The following TMEM74 variants were observed in gnomAD, a reference collection of about 807,000 sequenced individuals.
TMEM74 encodes the protein transmembrane protein 74.
A neutral mutation model predicts 18.1 loss-of-function variants in TMEM74; 13 were observed. The observed-to-expected ratio is 0.72, with a 90% CI of 0.47 to 1.14. The LOEUF is 1.14. Among genes scored for constraint, TMEM74 ranks in the 50% most tolerant of loss-of-function variants. The pLI is 0.00. For missense variants in TMEM74, 372 were observed against 375.9 expected (o/e 0.99, Z 0.09); for synonymous variants, 159 against 146.6 (o/e 1.08, Z -0.61).
At chr8:108,631,055 G>A (rs375167806) in intron 2 of TMEM74, among the ~76,000 whole-genome samples, 1 of 151,982 alleles carries the variant, frequency 6.6e-6, no homozygotes, top group Non-Finnish European at 1.5e-5. Flanking sequence ...AATGTGGGAA[G>A]AAATTAAAGT....
At chr8:108,772,660 A>G (rs1201873778) in intron 1 of TMEM74, among the ~76,000 whole-genome samples, 1 of 152,132 alleles carries the variant, frequency 6.6e-6, no homozygotes, top group East Asian at 1.9e-4. Flanking sequence ...TACAGAAGTA[A>G]ATGGCAGCCT....
At chr8:108,649,471 G>A (rs75068535) in intron 2 of TMEM74, among the ~76,000 whole-genome samples, 1,739 of 152,284 alleles carry the variant, frequency 0.011, 20 homozygotes, top group Middle Eastern at 0.058. Flanking sequence ...TTATGTTTAT[G>A]TTTAGTAATA....
chr8:108,672,906 A>G (rs1365593715), intron 1 of TMEM74, among the ~76,000 whole-genome samples: 1 of 152,230 alleles, frequency 6.6e-6, no homozygotes, highest in East Asian at 1.9e-4. Flanking sequence ...TTAGTACAAC[A>G]TGGGTCACAA....
At chr8:108,620,993 T>TGACC (rs1812434776) in intron 2 of TMEM74, among the ~76,000 whole-genome samples, 1 of 152,196 alleles carries the variant, frequency 6.6e-6, no homozygotes, top group African/African-American at 2.4e-5. Context: ...CCATGATGCC[T>TGACC]GGTCCTTGGT....
chr8:108,772,260 C>T (rs1277347022), intron 1 of TMEM74, among the ~76,000 whole-genome samples: 2 of 151,824 alleles, frequency 1.3e-5, no homozygotes, highest in African/African-American at 2.4e-5. Context: ...TTTTTTCTTC[C>T]TGGGGTTATT....
intron 2 of TMEM74, among the ~76,000 whole-genome samples, chr8:108,627,480 G>T (rs958185299): frequency 1.3e-5 from 2 of 152,028 alleles, no homozygotes. Context: ...GCCTATGGTT[G>T]TTGTAAAGAA....
chr8:108,621,118 A>G (rs1045176839), intron 2 of TMEM74, among the ~76,000 whole-genome samples: 7 of 152,186 alleles, frequency 4.6e-5, no homozygotes, highest in African/African-American at 1.7e-4. Flanking sequence ...GTAGACCCCA[A>G]GACTAAGCCT....
downstream of TMEM74, among the ~76,000 whole-genome samples, chr8:108,778,907 C>A (rs1316518804): frequency 3.3e-5 from 5 of 152,006 alleles, no homozygotes; most frequent in East Asian, 9.7e-4. Flanking sequence ...TCCTATAAAA[C>A]AACAAAAAAT....
chr8:108,669,065 T>A (rs1310564266), intron 1 of TMEM74, among the ~76,000 whole-genome samples: 2 of 152,078 alleles, frequency 1.3e-5, no homozygotes, highest in Non-Finnish European at 2.9e-5. Flanking sequence ...CTTGGCTCCT[T>A]ACACACCCTA....
At chr8:108,729,796 T>C (rs1368637328) in intron 1 of TMEM74, among the ~76,000 whole-genome samples, 2 of 152,198 alleles carry the variant, frequency 1.3e-5, no homozygotes, top group African/African-American at 2.4e-5. Flanking sequence ...CCATGCTACA[T>C]GCAATGGATA....
intron 1 of TMEM74, among the ~76,000 whole-genome samples, chr8:108,694,685 A>G (rs1813263276): frequency 6.6e-6 from 1 of 152,354 alleles, no homozygotes; most frequent in East Asian, 1.9e-4. Flanking sequence ...ACATGCATAC[A>G]TACATACACA....
chr8:108,649,440 G>T (rs2935760), intron 2 of TMEM74, among the ~76,000 whole-genome samples: 27,254 of 152,064 alleles, frequency 0.18, 2,522 homozygotes, highest in East Asian at 0.27. Context: ...CTTATTTATT[G>T]TTTGTGATGC....
At chr8:108,646,459 A>T (rs188584241) in intron 2 of TMEM74, among the ~76,000 whole-genome samples, 2 of 152,304 alleles carry the variant, frequency 1.3e-5, no homozygotes, top group Non-Finnish European at 2.9e-5. Context: ...TAAATGCAAG[A>T]TTTCAAAATT....
At chr8:108,764,871 C>T (rs993590470) in intron 1 of TMEM74, among the ~76,000 whole-genome samples, 4 of 152,124 alleles carry the variant, frequency 2.6e-5, no homozygotes, top group African/African-American at 9.7e-5. Context: ...AGATTAGTCC[C>T]AGTTTCGCCA....
chr8:108,712,777 C>T (rs1371629554), intron 1 of TMEM74, among the ~76,000 whole-genome samples: 1 of 152,076 alleles, frequency 6.6e-6, no homozygotes, highest in Non-Finnish European at 1.5e-5. Flanking sequence ...ACAAGCCTGT[C>T]AACTAAAACC....
intron 1 of TMEM74, among the ~76,000 whole-genome samples, chr8:108,771,745 C>A (rs530722358): frequency 2.6e-5 from 4 of 152,106 alleles, no homozygotes; most frequent in African/African-American, 9.6e-5. Context: ...TTGGTATTTC[C>A]TTTTTTTAGC....
At chr8:108,673,874 G>A (rs1813028034) in intron 1 of TMEM74, among the ~76,000 whole-genome samples, 2 of 152,174 alleles carry the variant, frequency 1.3e-5, no homozygotes, top group Admixed American at 1.3e-4. Flanking sequence ...CTACTGGATA[G>A]TATTTAGCCT....
chr8:108,649,551 G>T (rs1250328623), intron 2 of TMEM74, among the ~76,000 whole-genome samples: 1 of 152,104 alleles, frequency 6.6e-6, no homozygotes, highest in Non-Finnish European at 1.5e-5. Context: ...GATTTCAAAG[G>T]TTAAGTATCT....
At chr8:108,766,424 A>G (rs1814107894) in intron 1 of TMEM74, among the ~76,000 whole-genome samples, 1 of 152,110 alleles carries the variant, frequency 6.6e-6, no homozygotes, top group African/African-American at 2.4e-5. Context: ...TCAGTGGTAA[A>G]ATTCTGTAAG....
Sources: gnomAD v4.1 joint callset for allele counts (sites outside exome capture counted in the v4.1 genomes callset) on GRCh38, gnomAD v4.1.1 for gene constraint, MANE v1.5 for transcripts, NCBI Gene and HGNC (gene_info 2026-07-23, HGNC 2026-07-21) for gene names.